PEX5L: variants seen among roughly 807,000 people sequenced by gnomAD.
The protein encoded by PEX5L is peroxisomal biogenesis factor 5 like.
In PEX5L, 30 loss-of-function variants were observed where a neutral mutation model predicts 84.0. The observed-to-expected ratio is 0.36, with a 90% confidence interval of 0.27 to 0.48. The LOEUF (loss-of-function observed/expected upper bound fraction) is 0.48. Among genes scored for constraint, PEX5L ranks in the 20% least tolerant of loss-of-function variants. PEX5L has a pLI of 0.99. For missense variants in PEX5L, 533 were observed against 754.6 expected, an observed-to-expected ratio of 0.71 and a Z score of 3.44; for synonymous variants, 270 against 283.1, an observed-to-expected ratio of 0.95 and a Z score of 0.46.
intron 1 of PEX5L, among the ~76,000 whole-genome samples, chr3:179,976,584 C>T (rs557586604): frequency 4.5e-4 from 69 of 152,126 alleles, no homozygotes; most frequent in Middle Eastern, 6.8e-3. Context: ...ATTACAGGCA[C>T]GTGCCACCAC....
intron 2 of PEX5L, among the ~76,000 whole-genome samples, chr3:179,969,220 C>T (rs1784139408): frequency 6.6e-6 from 1 of 152,014 alleles, no homozygotes; most frequent in Non-Finnish European, 1.5e-5. Context: ...GCACCACTTA[C>T]TGAAAAATCT....
At chr3:179,951,808 C>T (rs957193627) in intron 2 of PEX5L, among the ~76,000 whole-genome samples, 1 of 152,126 alleles carries the variant, frequency 6.6e-6, no homozygotes, top group Non-Finnish European at 1.5e-5. Context: ...AATGTTCATG[C>T]CATGTGGTCC....
At chr3:179,887,390 T>G (rs185843365) in intron 4 of PEX5L, among the ~76,000 whole-genome samples, 234 of 152,372 alleles carry the variant, frequency 1.5e-3, no homozygotes, top group Non-Finnish European at 2.8e-3. Flanking sequence ...TTAAAGATTT[T>G]CTAATGTGAT....
In PEX5L at chr3:179,973,223, G is replaced by C. The variant is rs1287362242; in HGVS notation, c.22-1558C>G. 11 of 1,284,990 alleles carry C rather than the reference G, an allele frequency of 8.6e-6. No individual in the cohort carries two copies. In the East Asian group the frequency reaches 5.6e-4, roughly 65 times the overall value. The allele number at this position is 1,284,990 out of a possible 1,614,324, so 79.6% of individuals were successfully genotyped here. ...GGCATTAAGTAGAGATGGAATGTGG[G>C]TCCTTCCATCCATTTCACTGTCAGA... On this transcript the variant is annotated intron_variant, in intron 1 of 14. Coordinates refer to ENST00000467460, the MANE Select transcript of PEX5L (RefSeq NM_016559.3).
intron 2 of PEX5L, among the ~76,000 whole-genome samples, chr3:179,909,678 A>G (rs1264592337): frequency 6.6e-6 from 1 of 152,218 alleles, no homozygotes; most frequent in Non-Finnish European, 1.5e-5. Flanking sequence ...TAAGACTGTG[A>G]CTGTGTTTGG....
rs536089293 is a variant in PEX5L, at chr3:179,822,458, C to G, written c.823-2482G>C. Among the ~76,000 whole-genome samples, 3 of 152,300 alleles carry G rather than the reference C, an allele frequency of 2.0e-5. No individual in the cohort carries two copies. In the East Asian group the frequency reaches 5.8e-4, roughly 29 times the overall value. On this transcript the variant is annotated intron_variant, in intron 8 of 14. Transcript: ENST00000467460. ...TGAGATACACCAGAACTCACTGTTA[C>G]CACTTAAAATGAGTTACTGCTGACT...
chr3:179,972,074 A>C (rs1784903764), intron 1 of PEX5L, among the ~76,000 whole-genome samples: 1 of 152,134 alleles, frequency 6.6e-6, no homozygotes. Context: ...TTTTGTTTTA[A>C]TGTCTTACAT....
chr3:179,856,204 T>C (rs916670086), intron 8 of PEX5L, among the ~76,000 whole-genome samples: 3 of 152,246 alleles, frequency 2.0e-5, no homozygotes, highest in Non-Finnish European at 4.4e-5. Flanking sequence ...ACATAAGCCA[T>C]GTAATTTTCC....
chr3:179,885,191 T>TG lies in PEX5L; in HGVS notation c.310+2481dup, dbSNP rs1755425784. 2.6e-5 allele frequency among the ~76,000 whole-genome samples: 4 copies of TG among 152,150 alleles called. 1 individual carries two copies. In the South Asian group the frequency reaches 8.3e-4, roughly 32 times the overall value. ...CACTATTTTTCCAGACCCCCTACGTTGGAGAGTATTATGGATTGAGTGGTC... is the reference window on the plus strand; with the variant it reads ...CACTATTTTTCCAGACCCCCTACGTTGGGAGAGTATTATGGATTGAGTGGTC... On this transcript the variant is annotated intron_variant, in intron 4 of 14. Coordinates refer to ENST00000467460, the MANE Select transcript of PEX5L (RefSeq NM_016559.3).
At chr3:179,836,138 C>T (rs1424908732) in intron 8 of PEX5L, among the ~76,000 whole-genome samples, 1 of 152,128 alleles carries the variant, frequency 6.6e-6, no homozygotes, top group Non-Finnish European at 1.5e-5. Context: ...AACCGTTGCT[C>T]GTCAACTCTG....
At chr3:180,035,637 G>T (rs1012088546) in intron 1 of PEX5L, among the ~76,000 whole-genome samples, 2 of 152,050 alleles carry the variant, frequency 1.3e-5, no homozygotes, top group African/African-American at 4.8e-5. Context: ...TGCTCTAAAA[G>T]ACACAGAAGC....
intron 2 of PEX5L, among the ~76,000 whole-genome samples, chr3:179,945,955 A>C (rs1777417883): frequency 6.6e-6 from 1 of 152,056 alleles, no homozygotes; most frequent in African/African-American, 2.4e-5. Flanking sequence ...AAAGGGTAAA[A>C]GCTGGTGACT....
chr3:179,858,980 T>C (rs1745018772), intron 8 of PEX5L, 82 bp downstream of exon 8: 1 of 841,010 alleles, frequency 1.2e-6, no homozygotes, highest in Non-Finnish European at 2.1e-6. Context: ...ACCCATTTCA[T>C]TTCTATCTTG....
intron 1 of PEX5L, among the ~76,000 whole-genome samples, chr3:180,011,132 A>C (rs1040169338): frequency 2.0e-5 from 3 of 152,226 alleles, no homozygotes; most frequent in African/African-American, 7.2e-5. Context: ...ATGAAACTGA[A>C]TACACCTTGA....
chr3:179,905,396 C>T (rs536757696), intron 2 of PEX5L, among the ~76,000 whole-genome samples: 1 of 152,192 alleles, frequency 6.6e-6, no homozygotes, highest in East Asian at 1.9e-4. Flanking sequence ...CCTCAGTCTC[C>T]CGAGTAGCTG....
intron 1 of PEX5L, among the ~76,000 whole-genome samples, chr3:179,980,998 T>C (rs1252092185): frequency 6.8e-6 from 1 of 147,622 alleles, no homozygotes; most frequent in African/African-American, 2.5e-5. Flanking sequence ...TACTCTAGTC[T>C]GGGTGACAGA....
chr3:179,890,606 T>G (rs573165971), intron 3 of PEX5L, among the ~76,000 whole-genome samples: 6 of 152,328 alleles, frequency 3.9e-5, no homozygotes, highest in Admixed American at 6.5e-5. Flanking sequence ...TAGGTAAGTA[T>G]GAGCTATATT....
intron 2 of PEX5L, among the ~76,000 whole-genome samples, chr3:179,964,638 G>A (rs1311242237): frequency 6.6e-6 from 1 of 152,078 alleles, no homozygotes; most frequent in Admixed American, 6.6e-5. Context: ...AGTGGGAAAA[G>A]GACATGAATA....
At chr3:179,920,923 C>A (rs1384046008) in intron 2 of PEX5L, among the ~76,000 whole-genome samples, 1 of 152,050 alleles carries the variant, frequency 6.6e-6, no homozygotes, top group Non-Finnish European at 1.5e-5. Flanking sequence ...AATATATACA[C>A]AGTATTTTTT....
Sources: allele counts gnomAD v4.1 joint callset (sites outside exome capture counted in the v4.1 genomes callset), GRCh38; gene constraint gnomAD v4.1.1; transcripts MANE v1.5; gene names NCBI Gene and HGNC (gene_info 2026-07-23, HGNC 2026-07-21).